Variants in MACROD2 observed in about 807,000 individuals in gnomAD.
MACROD2 encodes the protein ADP-ribose glycohydrolase MACROD2.
A neutral mutation model predicts 70.4 loss-of-function variants in MACROD2; 36 were observed. The ratio of observed to expected loss-of-function variants is 0.51; its 90% CI spans 0.39 to 0.68. MACROD2 has a LOEUF of 0.68. MACROD2 is among the 30% of genes least tolerant of loss of function. The probability of loss-of-function intolerance (pLI) is 0.00; values close to 1 mark genes in which losing one functional copy is unlikely to be tolerated. For missense variants in MACROD2, 496 were observed against 538.4 expected, an observed-to-expected ratio of 0.92 and a Z score of 0.78; for synonymous variants, 172 against 178.8, an observed-to-expected ratio of 0.96 and a Z score of 0.30.
Position 14,877,130 on chromosome 20 carries a change from T to G in MACROD2, c.418+192171T>G, listed in dbSNP as rs1175028188. Among the ~76,000 whole-genome samples, 3 of 152,150 alleles carry G rather than the reference T, an allele frequency of 2.0e-5. No individual in the cohort carries two copies. The East Asian group carries it at 5.8e-4, about 29-fold the overall frequency. On this transcript the variant is annotated intron_variant, in intron 5 of 17. Coordinates refer to ENST00000684519, the MANE Select transcript of MACROD2 (RefSeq NM_001351661.2). Reference sequence around the variant, plus strand: ...TCTGTTTGTGTCATCTGTGATTACTTTCAGCAGGCTTTTGTAGTTCTCCTT... The same window carrying G: ...TCTGTTTGTGTCATCTGTGATTACTGTCAGCAGGCTTTTGTAGTTCTCCTT...
chr20:15,695,979 C>T (rs1053804047), intron 8 of MACROD2, among the ~76,000 whole-genome samples: 2 of 152,180 alleles, frequency 1.3e-5, no homozygotes, highest in African/African-American at 2.4e-5. Flanking sequence ...ACAATCTTAT[C>T]ATCAGCAAAC....
intron 5 of MACROD2, among the ~76,000 whole-genome samples, chr20:15,145,191 G>A (rs448432): frequency 0.59 from 89,627 of 152,002 alleles, 26,557 homozygotes; most frequent in East Asian, 0.65. Context: ...ATTCACAGAT[G>A]ACATTTGGTG....
At chr20:15,408,201 T>C (rs2046030766) in intron 6 of MACROD2, among the ~76,000 whole-genome samples, 1 of 152,232 alleles carries the variant, frequency 6.6e-6, no homozygotes, top group Admixed American at 6.5e-5. Context: ...CACAATGCCA[T>C]AGGCAGAATG....
chr20:14,600,074 G>A (rs145784331), intron 4 of MACROD2, among the ~76,000 whole-genome samples: 1,639 of 152,186 alleles, frequency 0.011, 15 homozygotes, highest in South Asian at 0.014. Context: ...GTGCTGCCAT[G>A]ATAGGAAATT....
intron 4 of MACROD2, among the ~76,000 whole-genome samples, chr20:14,511,967 G>T (rs2085035933): frequency 6.6e-6 from 1 of 150,890 alleles, no homozygotes; most frequent in South Asian, 2.1e-4. Flanking sequence ...ATAAAATCTG[G>T]AGGGGGAAAA....
At position 15,906,493 on chromosome 20, in the gene MACROD2, C is replaced by T. The variant is rs114498919; in HGVS notation, c.775+20682C>T. Among the ~76,000 whole-genome samples, 1,001 of 151,624 alleles carry T rather than the reference C, an allele frequency of 6.6e-3. 9 individuals are homozygous for T. Among genetic ancestry groups the T allele is most frequent in the African/African-American group, 0.023 (943 of 41,278 alleles). On this transcript the variant is annotated intron_variant, in intron 10 of 17. Transcript: ENST00000684519. ...ATTGGGCATTCATCCTGCATGAGCA[C>T]AATAAAAAGATCAAAATTAGAACAT...
rs1281673552 is a variant in MACROD2, at chr20:15,869,524, A to C, written c.727+6698A>C. Among the ~76,000 whole-genome samples the C allele has an allele frequency of 5.3e-5, 8 of 152,036 alleles. No homozygotes were observed. The Middle Eastern group carries it at 0.01, about 194-fold the overall frequency. On this transcript the variant is annotated intron_variant, in intron 9 of 17. Coordinates refer to ENST00000684519, the MANE Select transcript of MACROD2 (RefSeq NM_001351661.2). ...ATATTTGGGACATCTATCTGGTACA[A>C]CATAAAATGATAAACCTTATAAAAT...
Position 14,946,141 on chromosome 20 carries a change from G to A in MACROD2, c.418+261182G>A, listed in dbSNP as rs544764193. 3.0e-3 allele frequency among the ~76,000 whole-genome samples: 459 copies of A among 152,078 alleles called. 4 individuals carry two copies. The highest frequency in any genetic ancestry group is 0.01 in the African/African-American group (430 of 41,474). Reference sequence around the variant, plus strand: ...TTGAGCCCAGGAGGTGGAGGTTGCAGCGAGCCAAGATTGTGCCATTGCACT... The same window carrying A: ...TTGAGCCCAGGAGGTGGAGGTTGCAACGAGCCAAGATTGTGCCATTGCACT... On this transcript the variant is annotated intron_variant, in intron 5 of 17. Transcript: ENST00000684519.
chr20:15,224,079 C>G (rs538943353), intron 5 of MACROD2, among the ~76,000 whole-genome samples: 1 of 152,286 alleles, frequency 6.6e-6, no homozygotes, highest in African/African-American at 2.4e-5. Context: ...GTCAGTCCAG[C>G]CTTTGGCTCC....
intron 4 of MACROD2, among the ~76,000 whole-genome samples, chr20:14,562,960 C>A (rs1175019354): frequency 2.6e-5 from 4 of 151,850 alleles, no homozygotes; most frequent in African/African-American, 9.7e-5. Context: ...GCTTTCTGAG[C>A]CCTGTGTCTG....
At chr20:15,415,404 T>C (rs907535875) in intron 6 of MACROD2, among the ~76,000 whole-genome samples, 2 of 152,218 alleles carry the variant, frequency 1.3e-5, no homozygotes, top group African/African-American at 4.8e-5. Context: ...CTAACAAAAC[T>C]GTCATTTTCC....
At chr20:14,472,327 T>C (rs761660836) in intron 3 of MACROD2, among the ~76,000 whole-genome samples, 21 of 152,302 alleles carry the variant, frequency 1.4e-4, no homozygotes, top group Middle Eastern at 3.4e-3. Flanking sequence ...TGTTCGTTCC[T>C]GTTTTATTCA....
intron 3 of MACROD2, among the ~76,000 whole-genome samples, chr20:14,101,931 A>G (rs1462419029): frequency 6.7e-6 from 1 of 149,956 alleles, no homozygotes; most frequent in Non-Finnish European, 1.5e-5. Flanking sequence ...TGAGCACTTA[A>G]GTTCATACTT....
chr20:14,340,907 A>G (rs2083006423), intron 3 of MACROD2, among the ~76,000 whole-genome samples: 1 of 152,200 alleles, frequency 6.6e-6, no homozygotes, highest in African/African-American at 2.4e-5. Context: ...TGGACATGAA[A>G]GTAGATTGGA....
Position 14,695,591 on chromosome 20 carries a change from CAGCTA to C in MACROD2, c.418+10633_418+10637del, listed in dbSNP as rs150509338. On this transcript the variant is annotated intron_variant, in intron 5 of 17. Coordinates refer to ENST00000684519, the MANE Select transcript of MACROD2 (RefSeq NM_001351661.2). Reference sequence around the variant, plus strand: ...GAGGCAGTCTAGAGGAGGGGAAAACCAGCTACCATGTTGTGAGGGAACTCAGACAC... The same window carrying C: ...GAGGCAGTCTAGAGGAGGGGAAAACCCCATGTTGTGAGGGAACTCAGACAC... 5.4e-3 allele frequency among the ~76,000 whole-genome samples: 819 copies of C among 152,238 alleles called. 16 individuals carry two copies. The highest frequency in any genetic ancestry group is 0.019 in the African/African-American group (781 of 41,548).
intron 15 of MACROD2, among the ~76,000 whole-genome samples, chr20:16,028,683 G>A (rs2067113416): frequency 6.6e-6 from 1 of 152,114 alleles, no homozygotes; most frequent in South Asian, 2.1e-4. Flanking sequence ...ACAGGCACAG[G>A]CACATTTTCC....
chr20:15,985,207 T>A (rs964291354), intron 13 of MACROD2, among the ~76,000 whole-genome samples: 2 of 152,170 alleles, frequency 1.3e-5, no homozygotes, highest in African/African-American at 4.8e-5. Flanking sequence ...CCTGTTTTTG[T>A]TTTTGTTTTT....
rs547526420 is a variant in MACROD2, at chr20:14,153,935, A to C, written c.271+68207A>C. Among the ~76,000 whole-genome samples, 3 of 152,326 alleles carry C rather than the reference A, an allele frequency of 2.0e-5. No individual in the cohort carries two copies. The East Asian group carries it at 5.8e-4, about 29-fold the overall frequency. ...CCTGCTGACTCTTGTTTTAAATTCTAATTTCAACACCCTTTGCCAGTTTGG... is the reference window on the plus strand; with the variant it reads ...CCTGCTGACTCTTGTTTTAAATTCTCATTTCAACACCCTTTGCCAGTTTGG... On this transcript the variant is annotated intron_variant, in intron 3 of 17. Transcript: ENST00000684519.
At chr20:14,198,620 G>A (rs942533536) in intron 3 of MACROD2, among the ~76,000 whole-genome samples, 5 of 152,152 alleles carry the variant, frequency 3.3e-5, no homozygotes, top group African/African-American at 1.2e-4. Flanking sequence ...CATATATTAT[G>A]TAGTCCCCTG....
Sources: allele counts gnomAD v4.1 joint callset (sites outside exome capture counted in the v4.1 genomes callset), GRCh38; gene constraint gnomAD v4.1.1; transcripts MANE v1.5; gene names NCBI Gene and HGNC (gene_info 2026-07-23, HGNC 2026-07-21).